The following PTPRD variants were observed in gnomAD, a reference collection of about 807,000 sequenced individuals.
PTPRD encodes receptor-type tyrosine-protein phosphatase delta.
A neutral mutation model predicts 214.5 loss-of-function variants in PTPRD; 34 were observed. That is an observed-to-expected ratio of 0.16 (90% CI 0.12 to 0.21). The LOEUF (loss-of-function observed/expected upper bound fraction) is 0.21. PTPRD is among the 10% of genes least tolerant of loss of function. The probability of loss-of-function intolerance (pLI) is 1.00; values close to 1 mark genes in which losing one functional copy is unlikely to be tolerated. For missense variants in PTPRD, 2,545 were observed against 2,398.7 expected (o/e 1.06, Z -1.27); for synonymous variants, 1,128 against 845.7 (o/e 1.33, Z -5.79).
At chr9:8,416,585 T>C (rs1047926741) in intron 35 of PTPRD, among the ~76,000 whole-genome samples, 3 of 152,124 alleles carry the variant, frequency 2.0e-5, no homozygotes, top group Non-Finnish European at 2.9e-5. Flanking sequence ...GTGAAATCCA[T>C]AGAAAATTTT....
At chr9:8,540,360 A>C (rs1032189221) in intron 14 of PTPRD, among the ~76,000 whole-genome samples, 1 of 152,122 alleles carries the variant, frequency 6.6e-6, no homozygotes. Flanking sequence ...AATTTCACAC[A>C]AATGATGACA....
At chr9:10,118,896 AAAT>A (rs150154266) in intron 3 of PTPRD, among the ~76,000 whole-genome samples, 35 of 142,668 alleles carry the variant, frequency 2.5e-4, no homozygotes, top group Admixed American at 4.9e-4. Context: ...ATAAATAAAT[AAAT>A]AATAATAAAG....
chr9:10,478,080 G>C (rs1265683319), intron 2 of PTPRD, among the ~76,000 whole-genome samples: 1 of 151,780 alleles, frequency 6.6e-6, no homozygotes, highest in Non-Finnish European at 1.5e-5. Flanking sequence ...AACCACCATG[G>C]TACATGTATA....
chr9:9,036,766 C>A (rs1230597164), intron 10 of PTPRD, among the ~76,000 whole-genome samples: 2 of 152,068 alleles, frequency 1.3e-5, no homozygotes, highest in Non-Finnish European at 2.9e-5. Context: ...CTGTTTGTCC[C>A]CATTTCTTAC....
chr9:9,496,587 A>G (rs1437036417), intron 8 of PTPRD, among the ~76,000 whole-genome samples: 1 of 152,202 alleles, frequency 6.6e-6, no homozygotes, highest in Non-Finnish European at 1.5e-5. Flanking sequence ...ACAAACAAAC[A>G]AAAAAGAGAA....
At position 9,807,280 on chromosome 9, in the gene PTPRD, C is replaced by T. The variant is rs141994230; in HGVS notation, c.-367-40429G>A. 4.3e-3 allele frequency among the ~76,000 whole-genome samples: 654 copies of T among 152,180 alleles called. 4 individuals are homozygous for T. Among genetic ancestry groups the T allele is most frequent in the African/African-American group, 0.014 (596 of 41,512 alleles). On this transcript the variant is annotated intron_variant, in intron 5 of 45. Coordinates refer to ENST00000381196, the MANE Select transcript of PTPRD (RefSeq NM_002839.4). ...TGGTGGAAGATACCCTACAAATGTGCTTAATTACCAAATACACATTTTCTA... is the reference window on the plus strand; with the variant it reads ...TGGTGGAAGATACCCTACAAATGTGTTTAATTACCAAATACACATTTTCTA...
intron 5 of PTPRD, among the ~76,000 whole-genome samples, chr9:9,819,546 T>C (rs2049986111): frequency 6.6e-6 from 1 of 152,188 alleles, no homozygotes. Context: ...AGGGTACATG[T>C]GCAGGTTTGT....
chr9:9,259,917 A>G (rs904668510), intron 9 of PTPRD, among the ~76,000 whole-genome samples: 1 of 151,820 alleles, frequency 6.6e-6, no homozygotes, highest in African/African-American at 2.4e-5. Context: ...GGGTTTAAGG[A>G]AAGCCGGCAT....
At chr9:9,444,808 G>T (rs2089772523) in intron 8 of PTPRD, among the ~76,000 whole-genome samples, 1 of 152,000 alleles carries the variant, frequency 6.6e-6, no homozygotes, top group Non-Finnish European at 1.5e-5. Flanking sequence ...TGCAAATTAT[G>T]CCCCATGTAA....
At chr9:9,634,119 A>T (rs1276212573) in intron 7 of PTPRD, among the ~76,000 whole-genome samples, 1 of 152,136 alleles carries the variant, frequency 6.6e-6, no homozygotes, top group African/African-American at 2.4e-5. Flanking sequence ...AAGCAGCTTC[A>T]ATTGTGTGGT....
At chr9:8,422,692 T>C (rs529415984) in intron 35 of PTPRD, among the ~76,000 whole-genome samples, 40 of 152,314 alleles carry the variant, frequency 2.6e-4, no homozygotes, top group African/African-American at 8.7e-4. Flanking sequence ...GATGATTTCT[T>C]GAGCTGTGAC....
At chr9:8,500,581 A>C (rs2097377410) in intron 24 of PTPRD, among the ~76,000 whole-genome samples, 173 bp downstream of exon 24, 1 of 147,090 alleles carries the variant, frequency 6.8e-6, no homozygotes, top group African/African-American at 2.5e-5. Flanking sequence ...AAAAAAAAAA[A>C]AAAAAAAAAG....
At chr9:8,480,719 C>T (rs2096863584) in intron 30 of PTPRD, among the ~76,000 whole-genome samples, 1 of 152,136 alleles carries the variant, frequency 6.6e-6, no homozygotes, top group Non-Finnish European at 1.5e-5. Flanking sequence ...TATCCTTTAT[C>T]TGTCAAGATC....
chr9:10,388,480 CA>C (rs5896391), intron 2 of PTPRD, among the ~76,000 whole-genome samples: 22,071 of 134,494 alleles, frequency 0.16, 3,294 homozygotes, highest in African/African-American at 0.44. Flanking sequence ...GGATAATTAG[CA>C]AAAAAAAAAA....
intron 14 of PTPRD, among the ~76,000 whole-genome samples, chr9:8,622,281 T>A (rs2154301946): frequency 6.6e-6 from 1 of 152,060 alleles, no homozygotes; most frequent in East Asian, 1.9e-4. Flanking sequence ...AAATACAATT[T>A]TTCTCTCAGA....
At chr9:10,481,310 TAAAAC>T (rs958426250) in intron 2 of PTPRD, among the ~76,000 whole-genome samples, 253 of 152,214 alleles carry the variant, frequency 1.7e-3, no homozygotes, top group African/African-American at 5.8e-3. Flanking sequence ...TAATAAAAAG[TAAAAC>T]AAAACAAAAC....
chr9:8,871,336 A>G (rs1205905659), intron 11 of PTPRD, among the ~76,000 whole-genome samples: 1 of 152,176 alleles, frequency 6.6e-6, no homozygotes, highest in African/African-American at 2.4e-5. Flanking sequence ...GGAAGTATTT[A>G]TGTTAGCATC....
chr9:10,507,579 T>A (rs924136605), intron 2 of PTPRD, among the ~76,000 whole-genome samples: 1 of 152,058 alleles, frequency 6.6e-6, no homozygotes, highest in Non-Finnish European at 1.5e-5. Flanking sequence ...CAAAACAGCA[T>A]GCCACTGGTA....
chr9:9,451,518 C>T (rs949981336), intron 8 of PTPRD, among the ~76,000 whole-genome samples: 1 of 151,492 alleles, frequency 6.6e-6, no homozygotes, highest in Non-Finnish European at 1.5e-5. Context: ...TCAATATAGC[C>T]TCAAATGGTT....
Sources: allele counts gnomAD v4.1 joint callset (sites outside exome capture counted in the v4.1 genomes callset), GRCh38; gene constraint gnomAD v4.1.1; transcripts MANE v1.5; gene names NCBI Gene and HGNC (gene_info 2026-07-23, HGNC 2026-07-21).